PTPRO: variants seen among roughly 807,000 people sequenced by gnomAD.
PTPRO encodes protein tyrosine phosphatase receptor type O, also known as receptor-type tyrosine-protein phosphatase O.
Under a neutral mutation model 145.2 loss-of-function variants are expected in PTPRO, and 62 were observed. That is an observed-to-expected ratio of 0.43 (90% CI 0.35 to 0.53). The LOEUF (loss-of-function observed/expected upper bound fraction) is 0.53. Among genes scored for constraint, PTPRO ranks in the 20% least tolerant of loss-of-function variants. The pLI, the probability that PTPRO is intolerant of heterozygous loss-of-function variation, is 0.01. For synonymous variants in PTPRO, 565 were observed against 514.7 expected (o/e 1.10, Z -1.32); for missense variants, 1,345 against 1,482.7 (o/e 0.91, Z 1.53).
intron 1 of PTPRO, among the ~76,000 whole-genome samples, chr12:15,386,197 C>G (rs1321550067): frequency 6.6e-6 from 1 of 152,026 alleles, no homozygotes; most frequent in Non-Finnish European, 1.5e-5. Flanking sequence ...TCTACAGAAA[C>G]AACAAGGAAC....
chr12:15,465,341 C>T lies in PTPRO; in HGVS notation c.76-18633C>T, dbSNP rs564469972. ...GTTAACATTGTGAAATGAAGATGAA[C>T]GTGCAAAATGTTCTAGCTATATTCT... On this transcript the variant is annotated intron_variant, in intron 1 of 26. Coordinates refer to ENST00000281171, the MANE Select transcript of PTPRO (RefSeq NM_030667.3). Among the ~76,000 whole-genome samples the T allele has an allele frequency of 8.9e-4, 136 of 152,290 alleles. No individual in the cohort carries two copies. In the South Asian group the frequency reaches 0.01, roughly 11 times the overall value.
intron 23 of PTPRO, 99 bp downstream of exon 23, chr12:15,581,900 A>G (rs1302827666): frequency 6.9e-7 from 1 of 1,449,744 alleles, no homozygotes; most frequent in Non-Finnish European, 9.5e-7. Flanking sequence ...TAGAGGAATT[A>G]CAGACACACA....
chr12:15,348,905 ATC>A (rs1285110278), intron 1 of PTPRO, among the ~76,000 whole-genome samples: 1 of 152,228 alleles, frequency 6.6e-6, no homozygotes, highest in Non-Finnish European at 1.5e-5. Flanking sequence ...AGGATAATAC[ATC>A]TGTTTCAAGT....
At chr12:15,541,727 T>G (rs1225393273) in intron 12 of PTPRO, among the ~76,000 whole-genome samples, 1 of 152,200 alleles carries the variant, frequency 6.6e-6, no homozygotes, top group Non-Finnish European at 1.5e-5. Context: ...AAGGCCCTAT[T>G]CATCCTGGGT....
At position 15,557,457 on chromosome 12, in the gene PTPRO, A is replaced by C. The variant is rs1179228241; in HGVS notation, c.2561A>C (p.Glu854Ala). The change falls in exon 16 of 27, where the codon GAG (glutamate) becomes GCG (alanine). Residue 854 changes from glutamate to alanine, a missense_variant and splice_region_variant. Coordinates refer to ENST00000281171, the MANE Select transcript of PTPRO (RefSeq NM_030667.3). ...LRKKHLQMAR[E>A]CGAGTFVNFA... is the part of the protein sequence containing the mutation. ...ATTTTGTGGTTCCTTTAAAACAGGGAGTGTGGAGCTGGTACATTTGTCAAT... is the reference window on the plus strand; with the variant it reads ...ATTTTGTGGTTCCTTTAAAACAGGGCGTGTGGAGCTGGTACATTTGTCAAT... 1 of 1,613,638 alleles carries C rather than the reference A, an allele frequency of 6.2e-7. No individual in the cohort carries two copies. The highest frequency in any genetic ancestry group is 8.5e-7 in the Non-Finnish European group (1 of 1,179,590).
chr12:15,476,253 A>G (rs974183173), intron 1 of PTPRO, among the ~76,000 whole-genome samples: 1 of 152,096 alleles, frequency 6.6e-6, no homozygotes, highest in Admixed American at 6.6e-5. Context: ...GTTGAGGCCA[A>G]CCGACATATT....
At chr12:15,572,164 T>A (rs986080113) in intron 19 of PTPRO, among the ~76,000 whole-genome samples, 1 of 152,208 alleles carries the variant, frequency 6.6e-6, no homozygotes, top group African/African-American at 2.4e-5. Flanking sequence ...TGGGGGCGGA[T>A]GATGTATTAG....
chr12:15,515,992 G>GTTTTTTTTTTTTTT (rs869246291), intron 8 of PTPRO, among the ~76,000 whole-genome samples: 1 of 126,846 alleles, frequency 7.9e-6, no homozygotes, highest in Non-Finnish European at 1.6e-5. Flanking sequence ...TTTTTGTTTT[G>GTTTTTTTTTTTTTT]TTTTTTTTTT....
intron 1 of PTPRO, among the ~76,000 whole-genome samples, chr12:15,416,236 A>G (rs1358783194): frequency 6.6e-6 from 1 of 151,584 alleles, no homozygotes; most frequent in African/African-American, 2.4e-5. Flanking sequence ...GAACGAATGA[A>G]TCATGAGTTT....
intron 12 of PTPRO, among the ~76,000 whole-genome samples, chr12:15,545,472 AG>A (rs1331183822): frequency 6.6e-6 from 1 of 150,706 alleles, no homozygotes; most frequent in Non-Finnish European, 1.5e-5. Flanking sequence ...TCCAAAAGAC[AG>A]GGTCACAAGC....
chr12:15,474,678 A>C (rs1388367135), intron 1 of PTPRO, among the ~76,000 whole-genome samples: 1 of 152,222 alleles, frequency 6.6e-6, no homozygotes. Context: ...AAAAAGTTTT[A>C]CATATTTTTT....
chr12:15,399,772 C>T (rs188078101), intron 1 of PTPRO, among the ~76,000 whole-genome samples: 1 of 151,826 alleles, frequency 6.6e-6, no homozygotes, highest in Admixed American at 6.6e-5. Context: ...GACCTTTGGC[C>T]CGGCACAGTG....
chr12:15,326,223 G>A (rs1591703294), intron 1 of PTPRO, among the ~76,000 whole-genome samples: 1 of 152,132 alleles, frequency 6.6e-6, no homozygotes, highest in East Asian at 1.9e-4. Context: ...CTTTCATTTT[G>A]CTGGAGCAGC....
At chr12:15,510,484 A>G (rs1005229808) in intron 7 of PTPRO, among the ~76,000 whole-genome samples, 1 of 152,222 alleles carries the variant, frequency 6.6e-6, no homozygotes, top group East Asian at 1.9e-4. Flanking sequence ...CACATTATAT[A>G]TCTTTCACAT....
intron 1 of PTPRO, among the ~76,000 whole-genome samples, chr12:15,472,982 T>G (rs1409911404): frequency 2.0e-5 from 3 of 152,328 alleles, no homozygotes; most frequent in Middle Eastern, 3.4e-3. Flanking sequence ...TTAGTCCACA[T>G]GAGCATCACA....
intron 15 of PTPRO, among the ~76,000 whole-genome samples, chr12:15,557,218 T>TTAC (rs1943654840): frequency 6.6e-6 from 1 of 152,114 alleles, no homozygotes; most frequent in Non-Finnish European, 1.5e-5. Context: ...TTTTTGTAGT[T>TTAC]TTAGTAGAGA....
intron 3 of PTPRO, among the ~76,000 whole-genome samples, chr12:15,497,972 A>C (rs1375687422): frequency 6.6e-6 from 1 of 151,752 alleles, no homozygotes; most frequent in African/African-American, 2.4e-5. Context: ...AACAAAATCA[A>C]CTTCTCTGGG....
chr12:15,539,415 A>G (rs370439473), intron 12 of PTPRO, among the ~76,000 whole-genome samples: 30 of 152,158 alleles, frequency 2.0e-4, no homozygotes, highest in East Asian at 1.5e-3. Context: ...CTATCAACCC[A>G]TCTAGTGATT....
At chr12:15,428,135 G>T (rs950082190) in intron 1 of PTPRO, among the ~76,000 whole-genome samples, 1 of 152,104 alleles carries the variant, frequency 6.6e-6, no homozygotes, top group Non-Finnish European at 1.5e-5. Flanking sequence ...GCACTCTCAT[G>T]ATTGCAAAAG....
Sources: allele counts gnomAD v4.1 joint callset (sites outside exome capture counted in the v4.1 genomes callset), GRCh38; gene constraint gnomAD v4.1.1; transcripts MANE v1.5; gene names NCBI Gene and HGNC (gene_info 2026-07-23, HGNC 2026-07-21).